Variants in PSME4 observed in about 807,000 individuals in gnomAD.
The protein encoded by PSME4 is proteasome activator subunit 4.
In PSME4, 89 loss-of-function variants were observed where a neutral mutation model predicts 253.9. The observed-to-expected ratio is 0.35, with a 90% CI of 0.30 to 0.42. The LOEUF (loss-of-function observed/expected upper bound fraction) is 0.42. Among genes scored for constraint, PSME4 ranks in the 10% least tolerant of loss-of-function variants. The pLI is 1.00. For missense variants in PSME4, 2,014 were observed against 2,195.2 expected (o/e 0.92, Z 1.65); for synonymous variants, 851 against 759.2 (o/e 1.12, Z -1.99).
At chr2:53,954,512 A>T (rs1216906168) in intron 1 of PSME4, among the ~76,000 whole-genome samples, 1 of 152,140 alleles carries the variant, frequency 6.6e-6, no homozygotes, top group East Asian at 1.9e-4. Context: ...TAACAAATTA[A>T]TAAAAATCCT....
At chr2:53,924,139 C>T (rs879386579) in intron 14 of PSME4, among the ~76,000 whole-genome samples, 19 of 152,146 alleles carry the variant, frequency 1.2e-4, no homozygotes, top group Non-Finnish European at 2.5e-4. Context: ...CTGAAGCAGT[C>T]TGTTTATTTT....
chr2:53,937,654 G>A, intron 4 of PSME4, 114 bp from the exon 5 acceptor site: 3 of 948,136 alleles, frequency 3.2e-6, no homozygotes, highest in Middle Eastern at 3.1e-4. Context: ...GTCATAGCAT[G>A]TAACACAGTC....
rs764972943 is a variant in PSME4 at position 53,927,431 on chromosome 2, C to A, written c.1556G>T (p.Cys519Phe). ...ATTTCTTTCTTGTAGTACAGATGAACAATCTACTAAAGGCACCAGAGTAGA... is the reference window on the plus strand; with the variant it reads ...ATTTCTTTCTTGTAGTACAGATGAAAAATCTACTAAAGGCACCAGAGTAGA... ...TFSTLVPLVD[C>F]SSVLQERNDL... The change falls in exon 12 of 47, where the codon TGT (cysteine) becomes TTT (phenylalanine). Residue 519 changes from cysteine to phenylalanine, a missense_variant. Physicochemically the swap from Cys to Phe is radical, Grantham distance 205. Transcript: ENST00000404125. 2 of 1,595,984 alleles carry A rather than the reference C, an allele frequency of 1.3e-6. No homozygotes were observed. Among genetic ancestry groups the A allele is most frequent in the South Asian group, 1.1e-5 (1 of 90,674 alleles).
chr2:53,964,944 G>C (rs944163111), intron 1 of PSME4, among the ~76,000 whole-genome samples: 2 of 152,158 alleles, frequency 1.3e-5, no homozygotes, highest in African/African-American at 2.4e-5. Flanking sequence ...GTTTTAATTA[G>C]CAATTAAAAT....
Position 53,937,602 on chromosome 2 carries a change from A to G in PSME4, c.546-62T>C, listed in dbSNP as rs561635272. On this transcript the variant is annotated intron_variant, in intron 4 of 46. Coordinates refer to ENST00000404125, the MANE Select transcript of PSME4 (RefSeq NM_014614.3). ...TGGCTAAAAGCTCTACAACAGCAAT[A>G]TATATAACTGACCAAAAGGCTGGGG... is the stretch of plus-strand genomic sequence containing the variant. 2.0e-6 allele frequency: 3 copies of G among 1,492,718 alleles called. No homozygotes were observed. In the East Asian group the frequency reaches 6.8e-5, roughly 34 times the overall value. 92.5% of individuals were successfully genotyped at this position (1,492,718 alleles called of 1,614,324 possible).
At chr2:53,899,209 C>T (rs149199680) in intron 29 of PSME4, among the ~76,000 whole-genome samples, 48 of 151,990 alleles carry the variant, frequency 3.2e-4, no homozygotes, top group African/African-American at 1.1e-3. Context: ...GGACTGTAGG[C>T]GCGTGCCACC....
At chr2:53,957,114 C>A (rs986137365) in intron 1 of PSME4, among the ~76,000 whole-genome samples, 3 of 152,142 alleles carry the variant, frequency 2.0e-5, no homozygotes, top group Non-Finnish European at 4.4e-5. Flanking sequence ...CCCTGCCACT[C>A]CTACAGGCAC....
chr2:53,927,653 T>C (rs1040190559), intron 11 of PSME4, among the ~76,000 whole-genome samples, 170 bp from the exon 12 acceptor site: 4 of 152,188 alleles, frequency 2.6e-5, no homozygotes, highest in Non-Finnish European at 4.4e-5. Flanking sequence ...TCTTCATAAT[T>C]AACTAGCTGT....
chr2:53,966,056 T>C (rs805343), intron 1 of PSME4, among the ~76,000 whole-genome samples: 86,507 of 151,832 alleles, frequency 0.57, 24,930 homozygotes, highest in East Asian at 0.71. Context: ...GCCGAGATCT[T>C]GGGCGGATCA....
rs1265228837 is a variant in PSME4 at position 53,892,935 on chromosome 2, G to C, written c.4064C>G (p.Ala1355Gly). 1 of 1,613,118 alleles carries C rather than the reference G, an allele frequency of 6.2e-7. No individual in the cohort carries two copies. Among genetic ancestry groups the C allele is most frequent in the Non-Finnish European group, 8.5e-7 (1 of 1,179,652 alleles). ...ATGGGGCTTCAGAACTGGCAGGAAG[G>C]CATCATCAAAATTCCTGAATATACC... ...FKGIFRNFDDAFLPVLKPHLE... is the reference protein window; with the variant it reads ...FKGIFRNFDDGFLPVLKPHLE... The change falls in exon 36 of 47, where the codon GCC (alanine) becomes GGC (glycine). Residue 1355 changes from alanine (A) to glycine (G), a missense_variant. Around this residue, in one of 4 missense-constraint regions of PSME4, gnomAD observed 989 missense variants for 1,021.1 expected, o/e 0.97. Transcript: ENST00000404125.
rs200131313 is a variant in PSME4, at chr2:53,965,837, C to CT, written c.242+4705dup. On this transcript the variant is annotated intron_variant, in intron 1 of 46. Coordinates refer to ENST00000404125, the MANE Select transcript of PSME4 (RefSeq NM_014614.3). The stretch of plus-strand genomic sequence containing the variant: ...GGCACCCGCCATCATGCCCGGCTAA[C>CT]TTTTTTTTGTATTTTCAGCAGAGAC... Among the ~76,000 whole-genome samples, 490 of 151,736 alleles carry CT rather than the reference C, an allele frequency of 3.2e-3. 3 individuals are homozygous for CT. The highest frequency in any genetic ancestry group is 0.011 in the African/African-American group (459 of 41,434).
chr2:53,932,772 A>T lies in PSME4; in HGVS notation c.958-12T>A. The T allele has an allele frequency of 6.2e-7, 1 of 1,602,706 alleles. No homozygotes were observed. Among genetic ancestry groups the T allele is most frequent in the Non-Finnish European group, 8.5e-7 (1 of 1,169,650 alleles). ...TTACTTGGTCCACCCTGTCCAGATA[A>T]AAGAGTAAAAATGTCAGTACCCACA... On this transcript the variant is annotated splice_polypyrimidine_tract_variant and intron_variant, in intron 8 of 46. Coordinates refer to ENST00000404125, the MANE Select transcript of PSME4 (RefSeq NM_014614.3).
rs1678501795 is a variant in PSME4 at position 53,865,034 on chromosome 2, C to CA, written c.*543dup. 1 of 152,620 alleles carries CA rather than the reference C, an allele frequency of 6.6e-6. No individual in the cohort carries two copies. Among genetic ancestry groups the CA allele is most frequent in the South Asian group, 2.1e-4 (1 of 4,830 alleles). The allele number at this position is 152,620 out of a possible 1,614,324, so 9.5% of individuals were successfully genotyped here. ...ACTTCACTTCTGTGTCTTGGTCGAG[C>CA]AATCCATCAGGTCATTGGTTAGGTT... On this transcript the variant is annotated 3_prime_UTR_variant, in exon 47 of 47. Coordinates refer to ENST00000404125, the MANE Select transcript of PSME4 (RefSeq NM_014614.3).
chr2:53,931,758 A>G, intron 10 of PSME4, 77 bp downstream of exon 10: 1 of 1,471,408 alleles, frequency 6.8e-7, no homozygotes, highest in South Asian at 1.4e-5. Flanking sequence ...CAGAAGCCAC[A>G]GAGGAGAAAA....
intron 20 of PSME4, among the ~76,000 whole-genome samples, chr2:53,910,433 A>C (rs1056426327): frequency 1.3e-5 from 2 of 152,238 alleles, no homozygotes; most frequent in Non-Finnish European, 2.9e-5. Context: ...CCTTTACATA[A>C]AGAAAAGTCA....
intron 31 of PSME4, among the ~76,000 whole-genome samples, 185 bp from the exon 32 acceptor site, chr2:53,897,070 C>T (rs1241971118): frequency 6.6e-6 from 1 of 152,016 alleles, no homozygotes; most frequent in Non-Finnish European, 1.5e-5. Context: ...AGTTCTTACT[C>T]TACAGTCTTG....
chr2:53,904,248 A>C, intron 26 of PSME4, 92 bp from the exon 27 acceptor site: 1 of 1,283,790 alleles, frequency 7.8e-7, no homozygotes, highest in Non-Finnish European at 1.1e-6. Flanking sequence ...ATGATAATTT[A>C]CATGTTTTTC....
intron 31 of PSME4, among the ~76,000 whole-genome samples, chr2:53,897,457 C>A (rs924172444): frequency 1.3e-5 from 2 of 152,140 alleles, no homozygotes; most frequent in African/African-American, 4.8e-5. Context: ...GCATGAGCCA[C>A]CAAGCCCTGC....
At chr2:53,874,160 A>G (rs1286126531) in intron 43 of PSME4, among the ~76,000 whole-genome samples, 179 bp downstream of exon 43, 1 of 152,146 alleles carries the variant, frequency 6.6e-6, no homozygotes, top group East Asian at 1.9e-4. Flanking sequence ...CAGTCTTGCT[A>G]CGTTGTCCAG....
Sources: allele counts gnomAD v4.1 joint callset (sites outside exome capture counted in the v4.1 genomes callset), GRCh38; gene constraint gnomAD v4.1.1; regional missense constraint gnomAD v4.1.1; transcripts MANE v1.5; gene names NCBI Gene and HGNC (gene_info 2026-07-23, HGNC 2026-07-21).